The following SDK1 variants were observed in gnomAD, a reference collection of about 807,000 sequenced individuals.
The protein encoded by SDK1 is protein sidekick-1.
SDK1 carries 157 observed loss-of-function variants against 245.5 expected under a neutral mutation model. The observed-to-expected ratio is 0.64, with a 90% CI of 0.56 to 0.73. The LOEUF (loss-of-function observed/expected upper bound fraction) is 0.73, where lower values mean the gene tolerates loss of function less well. SDK1 is among the 30% of genes least tolerant of loss of function. SDK1 has a pLI of 0.00. For missense variants in SDK1, 3,583 were observed against 3,002.3 expected (o/e 1.19, Z -4.52); for synonymous variants, 1,647 against 1,278.5 (o/e 1.29, Z -6.15).
intron 38 of SDK1, among the ~76,000 whole-genome samples, chr7:4,217,780 G>A (rs949958980): frequency 2.0e-5 from 3 of 152,130 alleles, no homozygotes; most frequent in Admixed American, 2.0e-4. Flanking sequence ...GCTGGGCATG[G>A]TTTAAAAATT....
intron 5 of SDK1, among the ~76,000 whole-genome samples, chr7:3,909,674 T>C (rs935191689): frequency 1.3e-5 from 2 of 152,178 alleles, no homozygotes; most frequent in African/African-American, 4.8e-5. Context: ...TGTCTAAGGA[T>C]ACACAAATAC....
chr7:3,975,953 C>T (rs1782917815), intron 13 of SDK1, among the ~76,000 whole-genome samples: 1 of 138,284 alleles, frequency 7.2e-6, no homozygotes, highest in African/African-American at 2.7e-5. Flanking sequence ...GCTGAGGCTG[C>T]CACGCAGAGG....
Position 3,604,110 on chromosome 7 carries a change from T to G in SDK1, c.299-14970T>G, listed in dbSNP as rs577743648. ...CAGTATTTTATTGAGGATTTTTGCATCGATGTTCATCAAGGCTATTGGTCT... is the reference window on the plus strand; with the variant it reads ...CAGTATTTTATTGAGGATTTTTGCAGCGATGTTCATCAAGGCTATTGGTCT... On this transcript the variant is annotated intron_variant, in intron 1 of 44. Coordinates refer to ENST00000404826, the MANE Select transcript of SDK1 (RefSeq NM_152744.4). Among the ~76,000 whole-genome samples, 28 of 152,334 alleles carry G rather than the reference T, an allele frequency of 1.8e-4. No individual in the cohort carries two copies. The East Asian group carries it at 5.0e-3, about 27-fold the overall frequency.
intron 1 of SDK1, among the ~76,000 whole-genome samples, chr7:3,501,034 A>G (rs1372735760): frequency 6.6e-6 from 1 of 151,756 alleles, no homozygotes; most frequent in East Asian, 1.9e-4. Context: ...TACTGTTTTG[A>G]TTTCTAACTT....
chr7:3,456,711 G>C (rs1438782602), intron 1 of SDK1, among the ~76,000 whole-genome samples: 1 of 152,106 alleles, frequency 6.6e-6, no homozygotes, highest in Non-Finnish European at 1.5e-5. Context: ...GCTGGCATCA[G>C]CTGCTAGCTT....
At chr7:3,708,755 G>C (rs1250549896) in intron 4 of SDK1, among the ~76,000 whole-genome samples, 1 of 152,258 alleles carries the variant, frequency 6.6e-6, no homozygotes, top group Non-Finnish European at 1.5e-5. Context: ...TTTGAAACGA[G>C]ATTTGGGCAG....
chr7:3,609,845 C>G (rs1198754358), intron 1 of SDK1, among the ~76,000 whole-genome samples: 1 of 151,998 alleles, frequency 6.6e-6, no homozygotes, highest in Non-Finnish European at 1.5e-5. Flanking sequence ...GGACCACACG[C>G]ACACACCATC....
chr7:3,404,448 C>G (rs900891666), intron 1 of SDK1, among the ~76,000 whole-genome samples: 1 of 152,182 alleles, frequency 6.6e-6, no homozygotes, highest in African/African-American at 2.4e-5. Flanking sequence ...AATTTACTCT[C>G]AGAACAGAGA....
rs529778287 is a variant in SDK1 at position 4,163,723 on chromosome 7, C to T, written c.4800+1867C>T. Among the ~76,000 whole-genome samples, 4 of 152,162 alleles carry T rather than the reference C, an allele frequency of 2.6e-5. No homozygotes were observed. The East Asian group carries it at 5.8e-4, about 22-fold the overall frequency. On this transcript the variant is annotated intron_variant, in intron 32 of 44. Transcript: ENST00000404826. ...CCTTCCTGGGCATGGTCTTGAGGTG[C>T]GTAGTGCTAGAGATGCCAGAGAGGA...
chr7:3,949,459 G>C (rs1261950054), intron 5 of SDK1, among the ~76,000 whole-genome samples: 1 of 152,186 alleles, frequency 6.6e-6, no homozygotes, highest in East Asian at 1.9e-4. Flanking sequence ...TCACCCCACC[G>C]CCAGCCGGGC....
chr7:3,705,176 G>C (rs537965243), intron 4 of SDK1, among the ~76,000 whole-genome samples: 2 of 151,892 alleles, frequency 1.3e-5, no homozygotes, highest in South Asian at 4.2e-4. Context: ...TTAGGGCTCT[G>C]TTTTGTATCC....
intron 1 of SDK1, among the ~76,000 whole-genome samples, chr7:3,574,591 G>A (rs1353952918): frequency 6.6e-6 from 1 of 152,088 alleles, no homozygotes; most frequent in African/African-American, 2.4e-5. Context: ...AGTGCTGGGT[G>A]CAGCGTGCCT....
Position 3,987,127 on chromosome 7 carries a change from T to A in SDK1, c.1995-59T>A, listed in dbSNP as rs143363342. On this transcript the variant is annotated intron_variant, in intron 13 of 44. Transcript: ENST00000404826. ...GACGGTCTGCTGTAAGAGCTCAGGCTCACCATGGATTCTGACATGTGTTTT... is the reference window on the plus strand; with the variant it reads ...GACGGTCTGCTGTAAGAGCTCAGGCACACCATGGATTCTGACATGTGTTTT... The A allele has an allele frequency of 1.8e-5, 29 of 1,586,674 alleles. No homozygotes were observed. In the East Asian group the frequency reaches 6.5e-4, roughly 36 times the overall value.
At chr7:4,211,339 C>T (rs978229387) in intron 38 of SDK1, among the ~76,000 whole-genome samples, 16 of 151,960 alleles carry the variant, frequency 1.1e-4, no homozygotes, top group Admixed American at 5.2e-4. Flanking sequence ...CGGAGGAGAA[C>T]GGGTGGCAGA....
intron 10 of SDK1, among the ~76,000 whole-genome samples, chr7:3,968,285 C>T (rs542007977): frequency 5.9e-5 from 9 of 152,342 alleles, no homozygotes; most frequent in Admixed American, 2.0e-4. Flanking sequence ...TCCCATAGCC[C>T]GTTCCATGAG....
rs565673056 is a variant in SDK1 at position 4,220,289 on chromosome 7, G to A, written c.5701+19G>A. The A allele has an allele frequency of 1.7e-4, 265 of 1,605,862 alleles. 5 individuals carry two copies. The South Asian group carries it at 2.8e-3, about 17-fold the overall frequency. On this transcript the variant is annotated intron_variant, in intron 39 of 44. Coordinates refer to ENST00000404826, the MANE Select transcript of SDK1 (RefSeq NM_152744.4). ...GCCGAGGGTAAGTGGAACTCCAGGG[G>A]CAGACAATGTCAATTGCAACTTTAG...
At chr7:4,078,378 A>G (rs1350755503) in intron 21 of SDK1, among the ~76,000 whole-genome samples, 2 of 152,208 alleles carry the variant, frequency 1.3e-5, no homozygotes, top group South Asian at 2.1e-4. Context: ...AGAAATAGGA[A>G]AGAGTCCACT....
At chr7:3,365,132 C>T (rs1258086074) in intron 1 of SDK1, among the ~76,000 whole-genome samples, 1 of 152,164 alleles carries the variant, frequency 6.6e-6, no homozygotes, top group Non-Finnish European at 1.5e-5. Flanking sequence ...GCCGCAACTT[C>T]TGCAGTGTAA....
chr7:3,582,755 T>C (rs148977253), intron 1 of SDK1, among the ~76,000 whole-genome samples: 141 of 149,284 alleles, frequency 9.4e-4, no homozygotes, highest in African/African-American at 3.4e-3. Flanking sequence ...TAATTCCTCA[T>C]TGTAATTTTG....
Sources: allele counts gnomAD v4.1 joint callset (sites outside exome capture counted in the v4.1 genomes callset), GRCh38; gene constraint gnomAD v4.1.1; transcripts MANE v1.5; gene names NCBI Gene and HGNC (gene_info 2026-07-23, HGNC 2026-07-21).